Variants in FRMD6 observed in about 807,000 individuals in gnomAD.
The protein encoded by FRMD6 is FERM domain containing 6, also known as FERM domain-containing protein 6.
In FRMD6, 37 loss-of-function variants were observed where a neutral mutation model predicts 73.2. The observed-to-expected ratio is 0.51, with a 90% CI of 0.39 to 0.66. The LOEUF is 0.66. Among genes scored for constraint, FRMD6 ranks in the 30% least tolerant of loss-of-function variants. The pLI, the probability that FRMD6 is intolerant of heterozygous loss-of-function variation, is 0.00. For missense variants in FRMD6, 714 were observed against 780.5 expected (o/e 0.91, Z 1.02); for synonymous variants, 273 against 282.2 (o/e 0.97, Z 0.33).
chr14:51,657,355 A>AT (rs1892906647), intron 1 of FRMD6, among the ~76,000 whole-genome samples: 1 of 152,214 alleles, frequency 6.6e-6, no homozygotes, highest in South Asian at 2.1e-4. Flanking sequence ...GAAGCAGAAC[A>AT]TTACCAGCCT....
At chr14:51,480,663 C>A in the FRMD6 span, among the ~76,000 whole-genome samples, 1 of 151,974 alleles carries the variant, frequency 6.6e-6, no homozygotes, top group Non-Finnish European at 1.5e-5. Flanking sequence ...ATCCTGACAC[C>A]GTACATCTAG....
intron 1 of FRMD6, among the ~76,000 whole-genome samples, chr14:51,661,223 G>T (rs1266193786): frequency 6.6e-6 from 1 of 152,182 alleles, no homozygotes; most frequent in Non-Finnish European, 1.5e-5. Context: ...ATCACTTGGG[G>T]AATATGTGTA....
At chr14:51,707,880 T>C (rs1003755417) in intron 6 of FRMD6, among the ~76,000 whole-genome samples, 198 bp from the exon 7 acceptor site, 1 of 152,220 alleles carries the variant, frequency 6.6e-6, no homozygotes, top group Admixed American at 6.5e-5. Flanking sequence ...TACAACTAAA[T>C]TGACTCTATA....
the FRMD6 span, among the ~76,000 whole-genome samples, chr14:51,432,064 A>T: frequency 3.3e-5 from 5 of 152,348 alleles, no homozygotes; most frequent in South Asian, 1.0e-3. Flanking sequence ...ACACATAACG[A>T]CAAGCTCTTT....
chr14:51,440,306 A>G, the FRMD6 span, among the ~76,000 whole-genome samples: 2 of 152,236 alleles, frequency 1.3e-5, no homozygotes, highest in East Asian at 3.8e-4. Flanking sequence ...ATTTTCTACA[A>G]ATGTTTAAAA....
intron 1 of FRMD6, among the ~76,000 whole-genome samples, chr14:51,556,211 A>G (rs1887120088): frequency 6.6e-6 from 1 of 152,224 alleles, no homozygotes; most frequent in Admixed American, 6.5e-5. Flanking sequence ...TGCCATCTTG[A>G]TTACTGCTTC....
At chr14:51,595,144 G>A (rs1402110681) in intron 2 of FRMD6, among the ~76,000 whole-genome samples, 1 of 152,112 alleles carries the variant, frequency 6.6e-6, no homozygotes, top group Non-Finnish European at 1.5e-5. Flanking sequence ...TGGAATAGGT[G>A]GACTAAGTAG....
At chr14:51,542,741 A>G (rs1408756929) in intron 1 of FRMD6, among the ~76,000 whole-genome samples, 1 of 152,030 alleles carries the variant, frequency 6.6e-6, no homozygotes, top group African/African-American at 2.4e-5. Flanking sequence ...ACCAGCAGCA[A>G]TGTGGTTCCA....
intron 2 of FRMD6, among the ~76,000 whole-genome samples, chr14:51,612,920 G>A (rs1461484920): frequency 6.6e-6 from 1 of 152,190 alleles, no homozygotes; most frequent in Non-Finnish European, 1.5e-5. Flanking sequence ...TCCAAAAGTA[G>A]CTGTAGTTGA....
chr14:51,665,322 G>A (rs1014204052), intron 1 of FRMD6, among the ~76,000 whole-genome samples: 2 of 152,182 alleles, frequency 1.3e-5, no homozygotes, highest in African/African-American at 4.8e-5. Context: ...CCAAGCTGTT[G>A]TAGGCATTTT....
At chr14:51,431,065 A>G in the FRMD6 span, among the ~76,000 whole-genome samples, 117 of 152,322 alleles carry the variant, frequency 7.7e-4, 1 homozygote, top group African/African-American at 2.8e-3. Flanking sequence ...TTTTTAGACA[A>G]TTGAGGTTAT....
chr14:51,667,238 C>A (rs996005068), intron 1 of FRMD6, among the ~76,000 whole-genome samples: 8 of 152,088 alleles, frequency 5.3e-5, no homozygotes, highest in African/African-American at 1.9e-4. Context: ...GAGGAATTTT[C>A]TCATGGCTTT....
chr14:51,657,451 G>T (rs1394133488), intron 1 of FRMD6, among the ~76,000 whole-genome samples: 1 of 152,186 alleles, frequency 6.6e-6, no homozygotes, highest in African/African-American at 2.4e-5. Context: ...TTTTTGGACT[G>T]CATTTAAATG....
chr14:51,614,687 C>CT (rs1890641958), intron 2 of FRMD6, among the ~76,000 whole-genome samples: 1 of 152,114 alleles, frequency 6.6e-6, no homozygotes, highest in East Asian at 1.9e-4. Flanking sequence ...TTAAAGAATA[C>CT]TTTTTTCTGG....
chr14:51,711,625 T>G, intron 8 of FRMD6, 29 bp downstream of exon 8: 4 of 1,478,338 alleles, frequency 2.7e-6, no homozygotes, highest in Non-Finnish European at 3.8e-6. Context: ...TGTCAAATGC[T>G]GTCAGCCATG....
At chr14:51,612,799 C>T (rs1224508123) in intron 2 of FRMD6, among the ~76,000 whole-genome samples, 1 of 152,168 alleles carries the variant, frequency 6.6e-6, no homozygotes, top group Non-Finnish European at 1.5e-5. Context: ...AAATAAACCC[C>T]TACCAGTTCT....
the FRMD6 span, among the ~76,000 whole-genome samples, chr14:51,441,412 A>G: frequency 6.6e-6 from 1 of 151,970 alleles, no homozygotes; most frequent in African/African-American, 2.4e-5. Flanking sequence ...TCCCACTTTC[A>G]CTCTGCTTAG....
chr14:51,727,900 A>C lies in FRMD6; in HGVS notation c.1740A>C (p.Glu580Asp), dbSNP rs1436945892. Reference protein sequence around the residue: ...TFGCGHELDEEGLYCNSCLAQ... With the variant: ...TFGCGHELDEDGLYCNSCLAQ... ...GATGTGGCCATGAACTGGATGAGGA[A>C]GGCCTCTATTGCAACAGTTGCTTGG... Residue 580 changes from glutamate to aspartate, a missense_variant, in exon 14 of 14, where the codon GAA becomes GAC. Coordinates refer to ENST00000344768, the MANE Select transcript of FRMD6 (RefSeq NM_001267046.2). 2 of 1,614,098 alleles carry C rather than the reference A, an allele frequency of 1.2e-6. No individual in the cohort carries two copies. The highest frequency in any genetic ancestry group is 1.7e-6 in the Non-Finnish European group (2 of 1,180,038).
At chr14:51,633,713 A>C (rs1055192820) in intron 2 of FRMD6, among the ~76,000 whole-genome samples, 1 of 152,200 alleles carries the variant, frequency 6.6e-6, no homozygotes, top group Non-Finnish European at 1.5e-5. Flanking sequence ...CAAGAAAAGA[A>C]TACAAATAAT....
Sources: allele counts gnomAD v4.1 joint callset (sites outside exome capture counted in the v4.1 genomes callset), GRCh38; gene constraint gnomAD v4.1.1; transcripts MANE v1.5; gene names NCBI Gene and HGNC (gene_info 2026-07-23, HGNC 2026-07-21).